TMEFF1: variants seen among roughly 807,000 people sequenced by gnomAD.
TMEFF1 encodes the protein tomoregulin-1.
TMEFF1 carries 20 observed loss-of-function variants against 47.5 expected under a neutral mutation model. The observed-to-expected ratio is 0.42, with a 90% CI of 0.30 to 0.61. TMEFF1 has a LOEUF of 0.61. Among genes scored for constraint, TMEFF1 ranks in the 20% least tolerant of loss-of-function variants. The probability of loss-of-function intolerance (pLI) is 0.19; values close to 1 mark genes in which losing one functional copy is unlikely to be tolerated. For missense variants in TMEFF1, 411 were observed against 471.1 expected, an observed-to-expected ratio of 0.87 and a Z score of 1.18; for synonymous variants, 162 against 166.3, an observed-to-expected ratio of 0.97 and a Z score of 0.20.
At chr9:100,575,301 C>T (rs568516597) in intron 9 of TMEFF1, among the ~76,000 whole-genome samples, 9 of 152,236 alleles carry the variant, frequency 5.9e-5, no homozygotes, top group South Asian at 2.1e-4. Flanking sequence ...TTCTTGGAAT[C>T]GCCTTTCATA....
intron 9 of TMEFF1, among the ~76,000 whole-genome samples, chr9:100,574,085 A>G (rs955439315): frequency 5.9e-5 from 9 of 152,210 alleles, no homozygotes; most frequent in Non-Finnish European, 1.3e-4. Context: ...TTTACACTGA[A>G]AGGTTCCATG....
At chr9:100,533,380 C>G (rs1838437570) in intron 5 of TMEFF1, among the ~76,000 whole-genome samples, 1 of 152,004 alleles carries the variant, frequency 6.6e-6, no homozygotes, top group South Asian at 2.1e-4. Context: ...TAAAAAGTTG[C>G]TCATTTCACC....
rs79399022 is a variant in TMEFF1 at position 100,525,719 on chromosome 9, C to G, written c.560+8948C>G. ...GCTGGGAGGCAGAAGTTCTAACCCTCTAATCACTGTGGTTGGTTTTTCTGG... is the reference window on the plus strand; with the variant it reads ...GCTGGGAGGCAGAAGTTCTAACCCTGTAATCACTGTGGTTGGTTTTTCTGG... On this transcript the variant is annotated intron_variant, in intron 5 of 9. Transcript: ENST00000374879. 2.1e-3 allele frequency among the ~76,000 whole-genome samples: 314 copies of G among 152,304 alleles called. 1 individual carries two copies. Among genetic ancestry groups the G allele is most frequent in the African/African-American group, 7.0e-3 (293 of 41,578 alleles).
intron 7 of TMEFF1, among the ~76,000 whole-genome samples, chr9:100,558,997 G>C (rs186877556): frequency 1.1e-4 from 16 of 152,306 alleles, no homozygotes; most frequent in African/African-American, 3.1e-4. Context: ...CACAGCTAGA[G>C]AGTGTTGTAA....
intron 9 of TMEFF1, among the ~76,000 whole-genome samples, chr9:100,574,306 T>TA (rs1839307151): frequency 6.6e-6 from 1 of 152,150 alleles, no homozygotes; most frequent in African/African-American, 2.4e-5. Flanking sequence ...TTATTAGAGT[T>TA]AAATAGGAGT....
At chr9:100,498,696 C>T in intron 1 of TMEFF1, 69 bp from the exon 2 acceptor site, 1 of 1,442,650 alleles carries the variant, frequency 6.9e-7, no homozygotes, top group Non-Finnish European at 9.7e-7. Flanking sequence ...CACACACACA[C>T]ACGCGCACAG....
intron 5 of TMEFF1, among the ~76,000 whole-genome samples, chr9:100,542,506 T>C (rs543998966): frequency 6.6e-6 from 1 of 152,346 alleles, no homozygotes; most frequent in East Asian, 1.9e-4. Flanking sequence ...TTACTTTTAT[T>C]TTACCCTTAT....
intron 1 of TMEFF1, among the ~76,000 whole-genome samples, chr9:100,490,869 G>GTA (rs1554682737): frequency 3.7e-5 from 5 of 135,066 alleles, no homozygotes; most frequent in African/African-American, 1.4e-4. Context: ...GTGTGTGTGT[G>GTA]TGTATGTGTG....
chr9:100,572,840 C>T (rs1257058623), intron 9 of TMEFF1, among the ~76,000 whole-genome samples, 164 bp downstream of exon 9: 1 of 151,874 alleles, frequency 6.6e-6, no homozygotes, highest in African/African-American at 2.4e-5. Flanking sequence ...CGGGCAGGGA[C>T]TAATTCCCAG....
chr9:100,560,047 CCTTGATCTTCCT>C (rs1467608707), intron 7 of TMEFF1, among the ~76,000 whole-genome samples: 1 of 152,018 alleles, frequency 6.6e-6, no homozygotes, highest in African/African-American at 2.4e-5. Context: ...CTCACTTCTC[CCTTGATCTTCCT>C]CTTGATCTTC....
At chr9:100,524,539 C>T (rs1838221734) in intron 5 of TMEFF1, among the ~76,000 whole-genome samples, 1 of 152,166 alleles carries the variant, frequency 6.6e-6, no homozygotes, top group African/African-American at 2.4e-5. Context: ...AACGTAGGCT[C>T]ACTATAGTTG....
chr9:100,570,685 A>G (rs950724115), intron 8 of TMEFF1, among the ~76,000 whole-genome samples: 3 of 151,968 alleles, frequency 2.0e-5, no homozygotes, highest in Admixed American at 6.6e-5. Context: ...GTAGAGCCCA[A>G]TGTGAAATGT....
At chr9:100,497,293 TCTC>T (rs1837667479) in intron 1 of TMEFF1, among the ~76,000 whole-genome samples, 1 of 150,660 alleles carries the variant, frequency 6.6e-6, no homozygotes, top group Non-Finnish European at 1.5e-5. Flanking sequence ...GTGTTAGCTT[TCTC>T]TTGCTTTAAG....
intron 1 of TMEFF1, among the ~76,000 whole-genome samples, chr9:100,482,002 G>A (rs1000396326): frequency 5.3e-5 from 8 of 151,900 alleles, no homozygotes; most frequent in African/African-American, 1.7e-4. Flanking sequence ...GGATGGTCTC[G>A]GTCTCCTTGT....
At chr9:100,526,836 C>T (rs1288833610) in intron 5 of TMEFF1, among the ~76,000 whole-genome samples, 1 of 151,020 alleles carries the variant, frequency 6.6e-6, no homozygotes, top group Non-Finnish European at 1.5e-5. Flanking sequence ...CTACTTTTGG[C>T]CGGGCATGGT....
intron 5 of TMEFF1, among the ~76,000 whole-genome samples, chr9:100,538,370 A>G (rs1838560725): frequency 6.6e-6 from 1 of 152,188 alleles, no homozygotes; most frequent in East Asian, 1.9e-4. Context: ...ACAGAATTTT[A>G]GCAGTACAGT....
intron 7 of TMEFF1, among the ~76,000 whole-genome samples, chr9:100,553,690 G>C (rs1838866905): frequency 6.6e-6 from 1 of 152,020 alleles, no homozygotes; most frequent in African/African-American, 2.4e-5. Flanking sequence ...ATGGGAGATG[G>C]GTATGTGGCA....
In TMEFF1 at chr9:100,520,022, G is replaced by T. The variant is rs569157656; in HGVS notation, c.560+3251G>T. 3.3e-5 allele frequency among the ~76,000 whole-genome samples: 5 copies of T among 152,056 alleles called. No individual in the cohort carries two copies. The East Asian group carries it at 9.6e-4, about 29-fold the overall frequency. On this transcript the variant is annotated intron_variant, in intron 5 of 9. Transcript: ENST00000374879. The stretch of plus-strand genomic sequence containing the variant: ...TATCCTACTTTCTTATAAAATACTG[G>T]CAGTGAACCACTAAATTGACTTCAT...
intron 8 of TMEFF1, among the ~76,000 whole-genome samples, chr9:100,567,174 AC>A (rs1333703498): frequency 6.6e-6 from 1 of 151,950 alleles, no homozygotes; most frequent in Non-Finnish European, 1.5e-5. Flanking sequence ...TTCTGCAGCC[AC>A]ACTTGCTGTT....
Sources: gnomAD v4.1 joint callset for allele counts (sites outside exome capture counted in the v4.1 genomes callset) on GRCh38, gnomAD v4.1.1 for gene constraint, MANE v1.5 for transcripts, NCBI Gene and HGNC (gene_info 2026-07-23, HGNC 2026-07-21) for gene names.